Variants in AOPEP observed in about 807,000 individuals in gnomAD.
The protein encoded by AOPEP is aminopeptidase O.
Under a neutral mutation model 98.1 loss-of-function variants are expected in AOPEP, and 77 were observed. The observed-to-expected ratio is 0.78, with a 90% CI of 0.65 to 0.95. AOPEP has a LOEUF of 0.95. Ranked by LOEUF, AOPEP falls within the 40% of genes least tolerant of loss-of-function variation. AOPEP has a pLI of 0.00. For synonymous variants in AOPEP, 346 were observed against 365.3 expected, an observed-to-expected ratio of 0.95 and a Z score of 0.60; for missense variants, 1,024 against 1,024.7, an observed-to-expected ratio of 1.00 and a Z score of 0.01.
intron 2 of AOPEP, among the ~76,000 whole-genome samples, chr9:94,772,338 C>T (rs532693784): frequency 5.9e-5 from 9 of 152,288 alleles, no homozygotes; most frequent in Non-Finnish European, 8.8e-5. Context: ...TTTCTAATCG[C>T]AGCAGAATGA....
chr9:94,919,475 AC>A (rs961997128), intron 5 of AOPEP, among the ~76,000 whole-genome samples: 3 of 151,228 alleles, frequency 2.0e-5, no homozygotes, highest in Non-Finnish European at 2.9e-5. Context: ...TGTCTGGGCC[AC>A]CCCCCCACTT....
At position 94,887,174 on chromosome 9, in the gene AOPEP, G is replaced by C. The variant is rs763646973; in HGVS notation, c.1365-36812G>C. 6.6e-5 allele frequency among the ~76,000 whole-genome samples: 10 copies of C among 150,928 alleles called. No individual in the cohort carries two copies. The South Asian group carries it at 2.1e-3, about 32-fold the overall frequency. On this transcript the variant is annotated intron_variant, in intron 5 of 16. Transcript: ENST00000375315. ...TAGGAAACAAAGTGAGACCCCCCCC[G>C]TCTCTACAAAAAATTAAAAAAAAAT...
In AOPEP at chr9:94,873,920, CT is replaced by C. The variant is rs1426755728; in HGVS notation, c.1365-50065del. Among the ~76,000 whole-genome samples the C allele has an allele frequency of 7.9e-5, 12 of 152,194 alleles. No homozygotes were observed. The Middle Eastern group carries it at 0.01, about 129-fold the overall frequency. On this transcript the variant is annotated intron_variant, in intron 5 of 16. Coordinates refer to ENST00000375315, the MANE Select transcript of AOPEP (RefSeq NM_001193329.3). Reference sequence around the variant, plus strand: ...AAAGTGAGAAGATTATACATCTTCTCTCAATGGAGGATGAATAAACTATTAG... The same window carrying C: ...AAAGTGAGAAGATTATACATCTTCTCCAATGGAGGATGAATAAACTATTAG...
Position 95,005,581 on chromosome 9 carries a change from C to CGCAGGAGAGAAGCGCAGGAGAA in AOPEP, c.2081_2082insCAGGAGAGAAGCGCAGGAGAAG (p.Lys695ArgfsTer17). The stretch of plus-strand genomic sequence containing the variant: ...TGGAGTGAACCGGAGACCCCGAAAA[C>CGCAGGAGAGAAGCGCAGGAGAA]GGAAGCGCAGGGAGAAGGAAGAGGT... On this transcript the variant is annotated frameshift_variant, in exon 13 of 17. Coordinates refer to ENST00000375315, the MANE Select transcript of AOPEP (RefSeq NM_001193329.3). LOFTEE classifies it high-confidence loss of function. 6.2e-7 allele frequency: 1 copy of CGCAGGAGAGAAGCGCAGGAGAA among 1,613,892 alleles called. No homozygotes were observed. Among genetic ancestry groups the CGCAGGAGAGAAGCGCAGGAGAA allele is most frequent in the East Asian group, 2.2e-5 (1 of 44,858 alleles).
At chr9:95,086,414 G>A (rs572224453) in intron 16 of AOPEP, 72 of 985,414 alleles carry the variant, frequency 7.3e-5, no homozygotes, top group Non-Finnish European at 8.6e-5. Context: ...GTTAGAGTGG[G>A]TGCGTGTCTG....
At chr9:94,884,877 C>T (rs975289925) in intron 5 of AOPEP, among the ~76,000 whole-genome samples, 9 of 150,168 alleles carry the variant, frequency 6.0e-5, no homozygotes, top group South Asian at 2.1e-4. Flanking sequence ...GGCGTGGTGG[C>T]GGGCGCCTGT....
intron 5 of AOPEP, among the ~76,000 whole-genome samples, chr9:94,818,619 T>C (rs556927802): frequency 4.5e-4 from 68 of 152,272 alleles, no homozygotes; most frequent in African/African-American, 1.5e-3. Flanking sequence ...AAAAGAAGGG[T>C]AAAGAAGGCA....
chr9:95,108,293 G>A, the AOPEP span, among the ~76,000 whole-genome samples: 1 of 152,258 alleles, frequency 6.6e-6, no homozygotes, highest in Non-Finnish European at 1.5e-5. Flanking sequence ...CGCTCCAGCA[G>A]GGCAGGCCTC....
At chr9:95,086,379 G>A in intron 16 of AOPEP, 7 of 985,450 alleles carry the variant, frequency 7.1e-6, no homozygotes, top group Non-Finnish European at 8.4e-6. Context: ...CCCACGGCGA[G>A]GTGAGCTGAG....
intron 5 of AOPEP, among the ~76,000 whole-genome samples, chr9:94,818,308 T>C (rs1852157578): frequency 6.6e-6 from 1 of 152,222 alleles, no homozygotes; most frequent in African/African-American, 2.4e-5. Context: ...AACACATAAG[T>C]TTTGTGGCTT....
At chr9:94,794,776 T>G (rs1185894288) in intron 4 of AOPEP, among the ~76,000 whole-genome samples, 4 of 143,336 alleles carry the variant, frequency 2.8e-5, no homozygotes, top group Non-Finnish European at 5.9e-5. Context: ...TCCTGTGCTC[T>G]CTTTCCTGCA....
the AOPEP span, among the ~76,000 whole-genome samples, chr9:95,104,380 C>T: frequency 2.0e-5 from 3 of 152,192 alleles, no homozygotes; most frequent in Non-Finnish European, 4.4e-5. Flanking sequence ...TGGGAATGGG[C>T]TTCTGCTGTG....
At chr9:94,882,433 C>A (rs2047693620) in intron 5 of AOPEP, among the ~76,000 whole-genome samples, 1 of 152,156 alleles carries the variant, frequency 6.6e-6, no homozygotes, top group Non-Finnish European at 1.5e-5. Flanking sequence ...TTTTTAAAAT[C>A]CCCTTTTTTC....
intron 11 of AOPEP, among the ~76,000 whole-genome samples, chr9:94,988,216 T>C (rs1308688768): frequency 6.6e-6 from 1 of 152,162 alleles, no homozygotes; most frequent in Non-Finnish European, 1.5e-5. Context: ...CCTATATCCA[T>C]GGGAATGAGT....
In AOPEP at chr9:95,060,094, A is replaced by G. The variant is rs146307663; in HGVS notation, c.2116-600A>G. Among the ~76,000 whole-genome samples the G allele has an allele frequency of 2.5e-3, 378 of 152,364 alleles. 1 individual carries two copies. Among genetic ancestry groups the G allele is most frequent in the African/African-American group, 8.8e-3 (368 of 41,590 alleles). On this transcript the variant is annotated intron_variant, in intron 13 of 16. Transcript: ENST00000375315. ...GTATGAGAACTCAGGAATATGGGTA[A>G]CTTTGTGTGTCTGTGTGTATAGCTG...
At chr9:95,071,372 G>A (rs1197097204) in intron 14 of AOPEP, among the ~76,000 whole-genome samples, 1 of 147,702 alleles carries the variant, frequency 6.8e-6, no homozygotes, top group Non-Finnish European at 1.5e-5. Flanking sequence ...ATATATATCT[G>A]TATCAATTGT....
intron 10 of AOPEP, among the ~76,000 whole-genome samples, chr9:94,974,380 C>G (rs2059710519): frequency 6.6e-6 from 1 of 152,192 alleles, no homozygotes; most frequent in South Asian, 2.1e-4. Flanking sequence ...TCCTCCTATG[C>G]TCCTGTGCTA....
intron 5 of AOPEP, among the ~76,000 whole-genome samples, chr9:94,841,914 G>T (rs1213256408): frequency 6.6e-6 from 1 of 152,096 alleles, no homozygotes; most frequent in Non-Finnish European, 1.5e-5. Flanking sequence ...TTAGCTGCGT[G>T]TGGTGGCACA....
At chr9:95,126,457 C>T in the AOPEP span, 8 of 1,417,794 alleles carry the variant, frequency 5.6e-6, no homozygotes, top group Admixed American at 3.4e-5. Context: ...ACTACCACAA[C>T]ATTTTCTGAT....
Sources: gnomAD v4.1 joint callset for allele counts (sites outside exome capture counted in the v4.1 genomes callset) on GRCh38, gnomAD v4.1.1 for gene constraint, MANE v1.5 for transcripts, NCBI Gene and HGNC (gene_info 2026-07-23, HGNC 2026-07-21) for gene names.